HMGN5: variants seen among roughly 807,000 people sequenced by gnomAD.
HMGN5 encodes the protein high mobility group nucleosome binding domain 5.
Under a neutral mutation model 9.5 loss-of-function variants are expected in HMGN5, and 4 were observed. The ratio of observed to expected loss-of-function variants is 0.42; its 90% CI spans 0.21 to 0.96. The LOEUF (loss-of-function observed/expected upper bound fraction) is 0.96, where lower values mean the gene tolerates loss of function less well. HMGN5 is among the 40% of genes least tolerant of loss of function. The pLI is 0.30. For missense variants in HMGN5, 192 were observed against 187.5 expected (o/e 1.02, Z -0.14); for synonymous variants, 55 against 57.1 (o/e 0.96, Z 0.16).
chrX:81,116,281 C>T lies in HMGN5; in HGVS notation c.190G>A (p.Ala64Thr). 8.4e-7 allele frequency: 1 copy of T among 1,194,300 alleles called. No individual in the cohort carries two copies. The highest frequency in any genetic ancestry group is 1.8e-5 in the South Asian group (1 of 56,149). ...ACAACTGCTTCTTGCTTGGTTTCAG[C>T]AACTGCTTGGGCACTTGTATCTATG... Reference protein sequence around the residue: ...ENIDTSAQAVAETKQEAVVEE... With the variant: ...ENIDTSAQAVTETKQEAVVEE... The change falls in exon 6 of 7, where the codon GCT becomes ACT. Residue 64 changes from alanine (A) to threonine (T), a missense_variant. Transcript: ENST00000358130.
At chrX:81,161,196 G>A (rs1309999994) in intron 1 of HMGN5, among the ~76,000 whole-genome samples, 1 of 110,526 alleles carries the variant, frequency 9.0e-6, no homozygotes, top group Non-Finnish European at 1.9e-5. Context: ...AAGTTGTGAC[G>A]ACTGACCCCT....
At chrX:81,176,367 A>C (rs2075441687) in intron 1 of HMGN5, among the ~76,000 whole-genome samples, 1 of 111,598 alleles carries the variant, frequency 9.0e-6, no homozygotes, top group Non-Finnish European at 1.9e-5. Flanking sequence ...AAATCAGAGG[A>C]GCACCTCCTC....
chrX:81,195,390 T>TAA (rs1316421479), intron 1 of HMGN5: 1 of 111,142 alleles, frequency 9.0e-6, no homozygotes. Flanking sequence ...TGCTGGAAGC[T>TAA]GATTAGATGG....
intron 1 of HMGN5, among the ~76,000 whole-genome samples, chrX:81,151,323 C>T (rs1356086744): frequency 5.4e-5 from 6 of 111,464 alleles, no homozygotes; most frequent in Non-Finnish European, 7.5e-5. Context: ...GTTTTTGTAC[C>T]AGTACCATGC....
intron 5 of HMGN5, among the ~76,000 whole-genome samples, chrX:81,117,259 C>CA (rs759107065): frequency 3.8e-5 from 3 of 78,401 alleles, no homozygotes; most frequent in Non-Finnish European, 7.2e-5. Context: ...CTTTTTTTTC[C>CA]GTTTTTTTTT....
rs1017651261 is a variant in HMGN5 at position 81,183,044 on chromosome X, C to T, written c.-124+18693G>A. Among the ~76,000 whole-genome samples, 9 of 111,654 alleles carry T rather than the reference C, an allele frequency of 8.1e-5. No homozygotes were observed. In the South Asian group the frequency reaches 1.1e-3, roughly 14 times the overall value. ...GGAGGTCTCAGATGAAGATAAGAAA[C>T]GTATTGGTCACTTCTGTTATGAGAT... On this transcript the variant is annotated intron_variant, in intron 1 of 6. Coordinates refer to ENST00000358130, the MANE Select transcript of HMGN5 (RefSeq NM_030763.3).
intron 1 of HMGN5, among the ~76,000 whole-genome samples, chrX:81,140,836 GA>G (rs969173186): frequency 1.6e-4 from 18 of 111,151 alleles, no homozygotes; most frequent in African/African-American, 5.6e-4. Flanking sequence ...GCCACGGGGG[GA>G]TAGTGCATCA....
At chrX:81,141,117 T>A (rs888535783) in intron 1 of HMGN5, among the ~76,000 whole-genome samples, 1 of 111,477 alleles carries the variant, frequency 9.0e-6, no homozygotes, top group Non-Finnish European at 1.9e-5. Context: ...CTGCATCTTA[T>A]GGTTTGAGTG....
chrX:81,139,012 A>T (rs1353826077), intron 1 of HMGN5, among the ~76,000 whole-genome samples: 2 of 112,268 alleles, frequency 1.8e-5, no homozygotes, highest in African/African-American at 6.5e-5. Flanking sequence ...TCACAGAATG[A>T]AAAACTCAGT....
chrX:81,161,443 C>G (rs1365426155), intron 1 of HMGN5, among the ~76,000 whole-genome samples: 1 of 111,232 alleles, frequency 9.0e-6, no homozygotes, highest in Non-Finnish European at 1.9e-5. Flanking sequence ...TTTCCAAATT[C>G]TAAGCCCAAA....
At chrX:81,166,169 C>A (rs1365617174) in intron 1 of HMGN5, among the ~76,000 whole-genome samples, 1 of 110,851 alleles carries the variant, frequency 9.0e-6, no homozygotes, top group Non-Finnish European at 1.9e-5. Flanking sequence ...GACAAAATTG[C>A]CCCCAGTTAA....
chrX:81,134,167 T>C (rs2075305310), intron 1 of HMGN5, among the ~76,000 whole-genome samples: 1 of 111,270 alleles, frequency 9.0e-6, no homozygotes, highest in Non-Finnish European at 1.9e-5. Flanking sequence ...AGCTGACTAC[T>C]GAATTTTGGT....
At chrX:81,155,116 C>CAT (rs1439407982) in intron 1 of HMGN5, among the ~76,000 whole-genome samples, 8 of 89,098 alleles carry the variant, frequency 9.0e-5, no homozygotes, top group Non-Finnish European at 1.8e-4. Context: ...CACACACATA[C>CAT]ACATATATAT....
intron 1 of HMGN5, among the ~76,000 whole-genome samples, chrX:81,162,362 G>GAAA (rs199803467): frequency 7.5e-3 from 429 of 57,443 alleles, no homozygotes; most frequent in African/African-American, 0.024. Flanking sequence ...AAAACAAACT[G>GAAA]AAAAAAAAAA....
chrX:81,136,458 G>A (rs754811655), intron 1 of HMGN5, among the ~76,000 whole-genome samples: 1 of 111,625 alleles, frequency 9.0e-6, no homozygotes, highest in East Asian at 2.8e-4. Context: ...ACTAAAAGTG[G>A]TAAAATGTTG....
At chrX:81,188,012 T>A (rs1387179573) in intron 1 of HMGN5, among the ~76,000 whole-genome samples, 1 of 111,179 alleles carries the variant, frequency 9.0e-6, no homozygotes, top group African/African-American at 3.3e-5. Flanking sequence ...AAACCATACA[T>A]ATTAACTTCA....
At chrX:81,177,400 A>C (rs1371705149) in intron 1 of HMGN5, among the ~76,000 whole-genome samples, 25 of 53,755 alleles carry the variant, frequency 4.7e-4, no homozygotes, top group African/African-American at 1.4e-3. Context: ...AAAAAAAAAG[A>C]AGTGGTTGCA....
chrX:81,193,059 T>C (rs1308934417), intron 1 of HMGN5, among the ~76,000 whole-genome samples: 1 of 111,825 alleles, frequency 8.9e-6, no homozygotes, highest in Admixed American at 9.6e-5. Flanking sequence ...TTCAAAGACA[T>C]ATAACTTTTG....
At chrX:81,158,221 T>C (rs1219864704) in intron 1 of HMGN5, among the ~76,000 whole-genome samples, 1 of 112,373 alleles carries the variant, frequency 8.9e-6, no homozygotes, top group Non-Finnish European at 1.9e-5. Context: ...TACCTTCCAG[T>C]GTTGTCCTAA....
Sources: gnomAD v4.1 joint callset for allele counts (sites outside exome capture counted in the v4.1 genomes callset) on GRCh38, gnomAD v4.1.1 for gene constraint, MANE v1.5 for transcripts, NCBI Gene and HGNC (gene_info 2026-07-23, HGNC 2026-07-21) for gene names.